Variants in ESR1 observed in about 807,000 individuals in gnomAD.
ESR1 encodes the protein estrogen receptor 1, also known as estrogen receptor.
ESR1 carries 12 observed loss-of-function variants against 52.7 expected under a neutral mutation model. The ratio of observed to expected loss-of-function variants is 0.23; its 90% CI spans 0.15 to 0.37. The LOEUF (loss-of-function observed/expected upper bound fraction) is 0.37. Ranked by LOEUF, ESR1 falls within the 10% of genes least tolerant of loss-of-function variation. ESR1 has a pLI of 1.00. For synonymous variants in ESR1, 305 were observed against 316.8 expected, an observed-to-expected ratio of 0.96 and a Z score of 0.39; for missense variants, 584 against 779.7, an observed-to-expected ratio of 0.75 and a Z score of 2.99.
chr6:151,746,082 A>G (rs930095077), intron 2 of ESR1, among the ~76,000 whole-genome samples: 3 of 152,114 alleles, frequency 2.0e-5, no homozygotes, highest in African/African-American at 4.8e-5. Flanking sequence ...TTTTGTCTCT[A>G]TATCACATTT....
intron 4 of ESR1, among the ~76,000 whole-genome samples, chr6:151,977,811 A>G (rs970152651): frequency 6.6e-6 from 1 of 151,318 alleles, no homozygotes; most frequent in Non-Finnish European, 1.5e-5. Context: ...AATAATAATA[A>G]AAAAAAGTGA....
At chr6:151,832,208 A>G (rs1230817326) in intron 1 of ESR1, among the ~76,000 whole-genome samples, 2 of 152,184 alleles carry the variant, frequency 1.3e-5, no homozygotes, top group Non-Finnish European at 2.9e-5. Flanking sequence ...GCAGGAAACA[A>G]TTTTTAACTT....
downstream of ESR1, among the ~76,000 whole-genome samples, chr6:152,107,271 C>A (rs1458784387): frequency 6.6e-6 from 1 of 152,040 alleles, no homozygotes; most frequent in African/African-American, 2.4e-5. Flanking sequence ...AATTTCTGAG[C>A]ATTTATTTAT....
At chr6:151,931,558 C>T (rs1048814967) in intron 3 of ESR1, among the ~76,000 whole-genome samples, 18 of 149,558 alleles carry the variant, frequency 1.2e-4, no homozygotes, top group Non-Finnish European at 1.6e-4. Context: ...CCCACTAACT[C>T]GTCATCTAGC....
At chr6:151,987,755 G>A (rs2040628339) in intron 4 of ESR1, among the ~76,000 whole-genome samples, 1 of 152,112 alleles carries the variant, frequency 6.6e-6, no homozygotes, top group Non-Finnish European at 1.5e-5. Context: ...CCAGTTGATA[G>A]CACTTTTAAG....
At chr6:151,772,088 G>A (rs758059824) in intron 2 of ESR1, among the ~76,000 whole-genome samples, 1 of 152,124 alleles carries the variant, frequency 6.6e-6, no homozygotes, top group Non-Finnish European at 1.5e-5. Context: ...AATGCAACAC[G>A]CAAGGCTTTA....
At chr6:152,031,941 C>T (rs1490739112) in intron 5 of ESR1, among the ~76,000 whole-genome samples, 2 of 152,286 alleles carry the variant, frequency 1.3e-5, no homozygotes, top group African/African-American at 2.4e-5. Context: ...GCTTATCCAC[C>T]ATGGTCAAGT....
At chr6:151,742,725 A>T (rs903414203) in intron 2 of ESR1, among the ~76,000 whole-genome samples, 1 of 152,202 alleles carries the variant, frequency 6.6e-6, no homozygotes, top group Non-Finnish European at 1.5e-5. Context: ...CATCATCAGG[A>T]TCACCAGCAA....
At position 151,842,710 on chromosome 6, in the gene ESR1, A is replaced by G. The variant is rs748649052; in HGVS notation, c.566A>G (p.Asn189Ser). ...AKETRYCAVCNDYASGYHYGV... is the reference protein window; with the variant it reads ...AKETRYCAVCSDYASGYHYGV... ...GAGACTCGCTACTGTGCAGTGTGCA[A>G]TGACTATGCTTCAGGCTACCATTAT... The change falls in exon 2 of 8, where the codon AAT becomes AGT. Residue 189 changes from asparagine to serine, a missense_variant. By Grantham distance (46) the Asn-to-Ser change is conservative. Transcript: ENST00000206249. 1.9e-6 allele frequency: 3 copies of G among 1,613,888 alleles called. No individual in the cohort carries two copies. Among genetic ancestry groups the G allele is most frequent in the African/African-American group, 1.3e-5 (1 of 74,922 alleles).
At chr6:151,700,742 A>G (rs1276999662) in intron 1 of ESR1, among the ~76,000 whole-genome samples, 2 of 151,534 alleles carry the variant, frequency 1.3e-5, no homozygotes, top group Non-Finnish European at 2.9e-5. Context: ...AGGAAAAAAT[A>G]AAAACACAGG....
rs371170665 is a variant in ESR1, at chr6:151,944,265, G to A, written c.853G>A (p.Asp285Asn). The A allele has an allele frequency of 4.4e-5, 71 of 1,614,154 alleles. No homozygotes were observed. The highest frequency in any genetic ancestry group is 5.9e-5 in the Non-Finnish European group (70 of 1,180,018). ...CAGGGGTGAAGTGGGGTCTGCTGGA[G>A]ACATGAGAGCTGCCAACCTTTGGCC... The part of the protein sequence containing the change: ...EGRGEVGSAG[D>N]MRAANLWPSP... The change falls in exon 4 of 8, where the codon GAC becomes AAC. Residue 285 changes from aspartate (D) to asparagine (N), a missense_variant. Physicochemically the swap from Asp to Asn is conservative, Grantham distance 23. Coordinates refer to ENST00000206249, the MANE Select transcript of ESR1 (RefSeq NM_000125.4).
In ESR1 at chr6:151,807,743, C is replaced by G; in HGVS notation, c.-170C>G. 1.4e-6 allele frequency: 1 copy of G among 713,160 alleles called. No individual in the cohort carries two copies. Among genetic ancestry groups the G allele is most frequent in the Non-Finnish European group, 2.4e-6 (1 of 410,666 alleles). The allele number at this position is 713,160 out of a possible 1,614,324, so 44.2% of individuals were successfully genotyped here. A position where few individuals can be genotyped will look rare whatever the true frequency, so the allele number is the denominator to read the frequency against. On this transcript the variant is annotated 5_prime_UTR_variant, in exon 1 of 8. Coordinates refer to ENST00000206249, the MANE Select transcript of ESR1 (RefSeq NM_000125.4). The stretch of plus-strand genomic sequence containing the variant: ...CTCCCGTCGGGTCGCCCGGCTTCAC[C>G]GGACCCGCAGGCTCCCGGGGCAGGG...
chr6:151,663,194 G>A (rs1434439696), intron 1 of ESR1, among the ~76,000 whole-genome samples: 1 of 152,184 alleles, frequency 6.6e-6, no homozygotes, highest in African/African-American at 2.4e-5. Flanking sequence ...GCCTGGAATG[G>A]CACTGAGATT....
At chr6:151,855,046 T>G (rs563894615) in intron 2 of ESR1, among the ~76,000 whole-genome samples, 1 of 152,192 alleles carries the variant, frequency 6.6e-6, no homozygotes. Context: ...CCAGAGTAGC[T>G]GGGACCACAG....
intron 2 of ESR1, among the ~76,000 whole-genome samples, chr6:151,877,983 AT>A (rs1397282360): frequency 5.4e-4 from 79 of 145,280 alleles, no homozygotes; most frequent in Middle Eastern, 3.5e-3. Flanking sequence ...CTAATATTTA[AT>A]TTTTTTTTTT....
chr6:152,094,486 G>A lies in ESR1; in HGVS notation c.1471G>A (p.Ala491Thr), dbSNP rs756382983. The A allele has an allele frequency of 6.2e-7, 1 of 1,614,062 alleles. No individual in the cohort carries two copies. Among genetic ancestry groups the A allele is most frequent in the Non-Finnish European group, 8.5e-7 (1 of 1,179,998 alleles). ...CACAGACACTTTGATCCACCTGATG[G>A]CCAAGGCAGGCCTGACCCTGCAGCA... ...KITDTLIHLM[A>T]KAGLTLQQQH... The change falls in exon 7 of 8, where the codon GCC (alanine) becomes ACC (threonine). Residue 491 changes from alanine (A) to threonine (T), a missense_variant. Physicochemically the swap from Ala to Thr is moderately conservative, Grantham distance 58. Coordinates refer to ENST00000206249, the MANE Select transcript of ESR1 (RefSeq NM_000125.4). This position sits in a 1 kb window ranked among gnomAD's most constrained non-coding sequence, Gnocchi z 4.6.
At chr6:151,907,265 C>A (rs954972497) in intron 3 of ESR1, among the ~76,000 whole-genome samples, 8 of 151,984 alleles carry the variant, frequency 5.3e-5, no homozygotes, top group Non-Finnish European at 1.0e-4. Flanking sequence ...AATGAGATTG[C>A]ATTAAACTTA....
intron 2 of ESR1, among the ~76,000 whole-genome samples, chr6:151,752,565 A>T (rs1783982665): frequency 6.6e-6 from 1 of 152,098 alleles, no homozygotes; most frequent in South Asian, 2.1e-4. Context: ...GAATAAAAAA[A>T]AATTACAGTT....
At chr6:151,969,840 C>T (rs1775847989) in intron 4 of ESR1, among the ~76,000 whole-genome samples, 1 of 150,310 alleles carries the variant, frequency 6.7e-6, no homozygotes, top group South Asian at 2.1e-4. Flanking sequence ...CTATTCTGTG[C>T]TTTTGTTGTT....
Sources: allele counts gnomAD v4.1 joint callset (sites outside exome capture counted in the v4.1 genomes callset), GRCh38; gene constraint gnomAD v4.1.1; non-coding constraint Gnocchi (gnomAD v3.1); transcripts MANE v1.5; gene names NCBI Gene and HGNC (gene_info 2026-07-23, HGNC 2026-07-21).